The following ZNF251 variants were observed in gnomAD, a reference collection of about 807,000 sequenced individuals.
The protein encoded by ZNF251 is zinc finger protein 251.
ZNF251 carries 14 observed loss-of-function variants against 13.5 expected under a neutral mutation model. The ratio of observed to expected loss-of-function variants is 1.04; its 90% CI spans 0.69 to 1.63. The LOEUF (loss-of-function observed/expected upper bound fraction) is 1.63. Among genes scored for constraint, ZNF251 ranks in the 40% most tolerant of loss-of-function variants. ZNF251 has a pLI of 0.00. For missense variants in ZNF251, 764 were observed against 834.9 expected, an observed-to-expected ratio of 0.92 and a Z score of 1.05; for synonymous variants, 287 against 295.2, an observed-to-expected ratio of 0.97 and a Z score of 0.28.
At chr8:144,738,004 C>T (rs1013104672) in intron 4 of ZNF251, among the ~76,000 whole-genome samples, 2 of 152,074 alleles carry the variant, frequency 1.3e-5, no homozygotes, top group African/African-American at 2.4e-5. Context: ...AGGTCTTTGA[C>T]GGACACATTT....
chr8:144,754,388 T>TGACCTGGTGGGGCCCC (rs1239989342), intron 2 of ZNF251, 67 bp from the exon 3 acceptor site: 1 of 1,495,142 alleles, frequency 6.7e-7, no homozygotes, highest in Non-Finnish European at 8.9e-7. Context: ...AAAAGGGCCC[T>TGACCTGGTGGGGCCCC]GACCTGGTGG....
At chr8:144,746,768 T>C (rs1038603475) in intron 4 of ZNF251, among the ~76,000 whole-genome samples, 3 of 132,322 alleles carry the variant, frequency 2.3e-5, no homozygotes, top group African/African-American at 6.5e-5. Context: ...TTGTTCATCT[T>C]TTTTTTTTTA....
intron 4 of ZNF251, chr8:144,730,052 CTG>C: frequency 1.0e-6 from 1 of 985,492 alleles, no homozygotes; most frequent in East Asian, 1.1e-4. Context: ...CGCTCACTCA[CTG>C]TGCAGCTGTA....
chr8:144,735,816 G>A (rs1823870116), intron 4 of ZNF251, among the ~76,000 whole-genome samples: 4 of 152,126 alleles, frequency 2.6e-5, no homozygotes, highest in Admixed American at 2.6e-4. Context: ...GGGTACCATG[G>A]GACTATCTCC....
chr8:144,751,375 T>C (rs942087658), intron 4 of ZNF251, among the ~76,000 whole-genome samples: 18 of 152,214 alleles, frequency 1.2e-4, no homozygotes, highest in Non-Finnish European at 2.5e-4. Context: ...AATTATCACA[T>C]TGTCTTTCTG....
At chr8:144,742,641 A>G (rs1824218375) in intron 4 of ZNF251, among the ~76,000 whole-genome samples, 1 of 152,098 alleles carries the variant, frequency 6.6e-6, no homozygotes, top group Non-Finnish European at 1.5e-5. Context: ...TGTACAGACT[A>G]GTGTCACCGC....
At chr8:144,728,996 G>A (rs576969826) in intron 4 of ZNF251, among the ~76,000 whole-genome samples, 3 of 149,368 alleles carry the variant, frequency 2.0e-5, no homozygotes, top group East Asian at 2.1e-4. Flanking sequence ...GCTGAGGCAG[G>A]AGAATCACTA....
intron 4 of ZNF251, chr8:144,730,006 C>T: frequency 2.0e-6 from 2 of 984,594 alleles, no homozygotes; most frequent in Non-Finnish European, 2.4e-6. Flanking sequence ...TGGCGTTGTT[C>T]CCAGGAGCGG....
chr8:144,740,728 A>C (rs1586697033), intron 4 of ZNF251, among the ~76,000 whole-genome samples: 1 of 151,530 alleles, frequency 6.6e-6, no homozygotes, highest in Admixed American at 6.6e-5. Flanking sequence ...AAGCTCAGGA[A>C]TTCGAGACCA....
intron 2 of ZNF251, 153 bp downstream of exon 2, chr8:144,754,543 G>A (rs1824863736): frequency 2.1e-6 from 3 of 1,450,424 alleles, no homozygotes; most frequent in Non-Finnish European, 2.7e-6. Context: ...CCTGCAGGAG[G>A]GCGAGTCTAC....
intron 4 of ZNF251, chr8:144,730,019 G>GC (rs1255967267): frequency 2.6e-5 from 26 of 985,146 alleles, no homozygotes; most frequent in Admixed American, 6.1e-5. Context: ...AGGAGCGGGT[G>GC]CCCTCACCCA....
chr8:144,733,738 C>T (rs1047718171), intron 4 of ZNF251, among the ~76,000 whole-genome samples: 5 of 152,172 alleles, frequency 3.3e-5, no homozygotes, highest in Non-Finnish European at 1.5e-5. Context: ...GGCCTTCAGG[C>T]GTGCCGTGTA....
At position 144,732,993 on chromosome 8, in the gene ZNF251, G is replaced by A. The variant is rs552543612; in HGVS notation, c.278-9611C>T. Among the ~76,000 whole-genome samples the A allele has an allele frequency of 1.1e-4, 17 of 152,016 alleles. 1 individual carries two copies. In the South Asian group the frequency reaches 1.5e-3, roughly 13 times the overall value. On this transcript the variant is annotated intron_variant, in intron 4 of 4. Coordinates refer to ENST00000292562, the MANE Select transcript of ZNF251 (RefSeq NM_138367.2). ...TCCCAGCACTTTGGGAGGCTGAGGC[G>A]GGTGGATCATCTGAGGTCAGGAGTT... is the stretch of plus-strand genomic sequence containing the variant.
At chr8:144,728,439 G>A (rs971573657) in intron 4 of ZNF251, among the ~76,000 whole-genome samples, 25 of 152,050 alleles carry the variant, frequency 1.6e-4, no homozygotes, top group African/African-American at 5.6e-4. Context: ...CGAGACGGGC[G>A]GATCACGAGG....
intron 4 of ZNF251, among the ~76,000 whole-genome samples, chr8:144,733,702 C>T (rs575859821): frequency 6.6e-6 from 1 of 152,334 alleles, no homozygotes; most frequent in African/African-American, 2.4e-5. Flanking sequence ...GCCCTCCATC[C>T]TCTCTCCTCG....
intron 1 of ZNF251, 146 bp from the exon 2 acceptor site, chr8:144,754,949 A>G: frequency 7.1e-7 from 1 of 1,411,582 alleles, no homozygotes. Flanking sequence ...CCTACTGCTC[A>G]GTGACTCCTG....
At chr8:144,728,915 C>A (rs1360919515) in intron 4 of ZNF251, among the ~76,000 whole-genome samples, 1 of 151,540 alleles carries the variant, frequency 6.6e-6, no homozygotes, top group Non-Finnish European at 1.5e-5. Context: ...ATGGTGAAAC[C>A]CTGTCTCTAC....
At chr8:144,735,839 G>T (rs1350377026) in intron 4 of ZNF251, among the ~76,000 whole-genome samples, 4 of 152,126 alleles carry the variant, frequency 2.6e-5, no homozygotes, top group African/African-American at 9.7e-5. Flanking sequence ...TCCTGAAGAG[G>T]CTCCTCTCAG....
chr8:144,723,168 A>C lies in ZNF251; in HGVS notation c.492T>G (p.Val164=). ...SLNKPNIHKR[V]LTEATVGRER... is the part of the protein sequence containing the mutation. Reference sequence around the variant, plus strand: ...CCCTGCCCACGGTAGCTTCTGTTAAAACTCTCTTGTGAATATTGGGTTTGT... The same window carrying C: ...CCCTGCCCACGGTAGCTTCTGTTAACACTCTCTTGTGAATATTGGGTTTGT... The change falls in exon 5 of 5, where the codon GTT becomes GTG. Residue 164 remains valine (V), a synonymous_variant. Coordinates refer to ENST00000292562, the MANE Select transcript of ZNF251 (RefSeq NM_138367.2). The C allele has an allele frequency of 6.2e-7, 1 of 1,612,568 alleles. No homozygotes were observed. The highest frequency in any genetic ancestry group is 2.2e-5 in the East Asian group (1 of 44,866).
Sources: gnomAD v4.1 joint callset for allele counts (sites outside exome capture counted in the v4.1 genomes callset) on GRCh38, gnomAD v4.1.1 for gene constraint, MANE v1.5 for transcripts, NCBI Gene and HGNC (gene_info 2026-07-23, HGNC 2026-07-21) for gene names.